WWOX: variants seen among roughly 807,000 people sequenced by gnomAD.
WWOX encodes the protein WW domain containing oxidoreductase, also known as WW domain-containing oxidoreductase.
Under a neutral mutation model 46.2 loss-of-function variants are expected in WWOX, and 69 were observed. The ratio of observed to expected loss-of-function variants is 1.49; its 90% CI spans 1.23 to 1.82. The LOEUF is 1.82. WWOX is among the 40% of genes most tolerant of loss of function. WWOX has a pLI of 0.00. For synonymous variants in WWOX, 359 were observed against 202.6 expected (o/e 1.77, Z -6.56); for missense variants, 919 against 542.6 (o/e 1.69, Z -6.89).
chr16:78,681,401 C>G (rs1031747294), intron 8 of WWOX, among the ~76,000 whole-genome samples: 1 of 152,042 alleles, frequency 6.6e-6, no homozygotes, highest in Non-Finnish European at 1.5e-5. Context: ...GAGACTCTGT[C>G]TCAAAAAACC....
intron 8 of WWOX, among the ~76,000 whole-genome samples, chr16:78,638,495 G>GC (rs2046629127): frequency 6.6e-6 from 1 of 152,072 alleles, no homozygotes. Context: ...CTTGGGCTCT[G>GC]ATAAGATCTG....
chr16:79,147,984 G>A (rs1218775588), intron 8 of WWOX, among the ~76,000 whole-genome samples: 1 of 151,734 alleles, frequency 6.6e-6, no homozygotes, highest in Non-Finnish European at 1.5e-5. Context: ...GTTCTTTGTT[G>A]GATATGTGGT....
intron 8 of WWOX, among the ~76,000 whole-genome samples, chr16:78,869,015 A>C (rs924070338): frequency 6.6e-6 from 1 of 152,182 alleles, no homozygotes; most frequent in African/African-American, 2.4e-5. Flanking sequence ...CAAAGGCCAA[A>C]GTTTTAAAGG....
chr16:79,121,443 T>G (rs1412644763), intron 8 of WWOX, among the ~76,000 whole-genome samples: 1 of 152,244 alleles, frequency 6.6e-6, no homozygotes, highest in Admixed American at 6.5e-5. Context: ...GATGGAATTC[T>G]AAGGTCCGAT....
intron 8 of WWOX, among the ~76,000 whole-genome samples, chr16:79,001,314 C>G (rs906398823): frequency 6.6e-6 from 1 of 152,068 alleles, no homozygotes; most frequent in Non-Finnish European, 1.5e-5. Context: ...CTCTCCCTCC[C>G]CCTATTCTCA....
chr16:78,431,598 T>C (rs896387291), intron 7 of WWOX, among the ~76,000 whole-genome samples: 2 of 152,116 alleles, frequency 1.3e-5, no homozygotes, highest in Non-Finnish European at 2.9e-5. Context: ...TTTTGAAAAA[T>C]ATATGTTAGA....
At chr16:78,303,378 C>T (rs866265287) in intron 5 of WWOX, among the ~76,000 whole-genome samples, 8 of 152,152 alleles carry the variant, frequency 5.3e-5, no homozygotes, top group African/African-American at 1.9e-4. Context: ...TGAAGAGGAG[C>T]TTGAACAGCC....
At position 79,059,566 on chromosome 16, in the gene WWOX, C is replaced by T. The variant is rs576623893; in HGVS notation, c.1057-152042C>T. ...AGTGCAATGGCGCGATCTCGGCTCA[C>T]TGCAGCCTCCGCCTTCCGGGTTCAA... On this transcript the variant is annotated intron_variant, in intron 8 of 8. Coordinates refer to ENST00000566780, the MANE Select transcript of WWOX (RefSeq NM_016373.4). Among the ~76,000 whole-genome samples the T allele has an allele frequency of 3.9e-5, 6 of 152,306 alleles. 1 individual carries two copies. Among genetic ancestry groups the T allele is most frequent in the African/African-American group, 1.4e-4 (6 of 41,562 alleles).
At chr16:78,706,875 G>A (rs749997263) in intron 8 of WWOX, among the ~76,000 whole-genome samples, 1 of 152,082 alleles carries the variant, frequency 6.6e-6, no homozygotes, top group Non-Finnish European at 1.5e-5. Flanking sequence ...CTGGCTGGCT[G>A]CAGCCTTGAC....
At chr16:78,507,922 T>G (rs1249967418) in intron 8 of WWOX, among the ~76,000 whole-genome samples, 1 of 152,086 alleles carries the variant, frequency 6.6e-6, no homozygotes, top group Non-Finnish European at 1.5e-5. Flanking sequence ...TTGTAAACTT[T>G]CTTAGAACAT....
At chr16:79,072,803 A>G (rs190902113) in intron 8 of WWOX, among the ~76,000 whole-genome samples, 2 of 152,266 alleles carry the variant, frequency 1.3e-5, no homozygotes, top group Admixed American at 1.3e-4. Context: ...TATTTAGTAA[A>G]TGCTTGGTCT....
At chr16:79,031,562 A>G (rs951943128) in intron 8 of WWOX, among the ~76,000 whole-genome samples, 3 of 152,032 alleles carry the variant, frequency 2.0e-5, no homozygotes, top group African/African-American at 7.2e-5. Flanking sequence ...TGTGTATGCT[A>G]AACTTGATTG....
chr16:79,068,786 G>A (rs2048490483), intron 8 of WWOX, among the ~76,000 whole-genome samples: 1 of 150,464 alleles, frequency 6.6e-6, no homozygotes, highest in African/African-American at 2.4e-5. Context: ...CCTGCAGCCT[G>A]AGCTATAGAG....
At chr16:79,089,065 T>C (rs1338664504) in intron 8 of WWOX, among the ~76,000 whole-genome samples, 1 of 152,222 alleles carries the variant, frequency 6.6e-6, no homozygotes, top group Non-Finnish European at 1.5e-5. Flanking sequence ...GTGTCTTTTC[T>C]GTATGCAGTT....
chr16:78,308,796 C>G (rs1008275729), intron 5 of WWOX, among the ~76,000 whole-genome samples: 1 of 152,116 alleles, frequency 6.6e-6, no homozygotes, highest in Admixed American at 6.6e-5. Context: ...TTATCTTAAC[C>G]CAGATAGTCC....
At chr16:78,959,774 A>C (rs375615191) in intron 8 of WWOX, among the ~76,000 whole-genome samples, 3 of 152,178 alleles carry the variant, frequency 2.0e-5, no homozygotes, top group African/African-American at 4.8e-5. Context: ...ATCCGAGACA[A>C]GTGAGGGAAA....
chr16:78,694,512 T>A (rs2048057895), intron 8 of WWOX, among the ~76,000 whole-genome samples: 1 of 152,192 alleles, frequency 6.6e-6, no homozygotes, highest in South Asian at 2.1e-4. Context: ...CATTTGAAAT[T>A]CAGTGCAAAC....
At chr16:78,923,362 T>C (rs909022548) in intron 8 of WWOX, among the ~76,000 whole-genome samples, 1 of 152,190 alleles carries the variant, frequency 6.6e-6, no homozygotes, top group East Asian at 1.9e-4. Context: ...AACATCATTA[T>C]TTCTAGTTCA....
At chr16:79,140,934 T>C (rs937722853) in intron 8 of WWOX, among the ~76,000 whole-genome samples, 2 of 152,154 alleles carry the variant, frequency 1.3e-5, no homozygotes, top group African/African-American at 2.4e-5. Context: ...GAAATAGAGA[T>C]GGTTGGACCT....
Sources: gnomAD v4.1 joint callset for allele counts (sites outside exome capture counted in the v4.1 genomes callset) on GRCh38, gnomAD v4.1.1 for gene constraint, MANE v1.5 for transcripts, NCBI Gene and HGNC (gene_info 2026-07-23, HGNC 2026-07-21) for gene names.